Variants in NSUN3 observed in about 807,000 individuals in gnomAD.
NSUN3 encodes the protein tRNA (cytosine(34)-C(5))-methyltransferase, mitochondrial.
In NSUN3, 24 loss-of-function variants were observed where a neutral mutation model predicts 36.8. The ratio of observed to expected loss-of-function variants is 0.65; its 90% CI spans 0.47 to 0.92. The LOEUF (loss-of-function observed/expected upper bound fraction) is 0.92, where lower values mean the gene tolerates loss of function less well. Ranked by LOEUF, NSUN3 falls within the 40% of genes least tolerant of loss-of-function variation. The pLI is 0.00. For synonymous variants in NSUN3, 146 were observed against 145.2 expected, an observed-to-expected ratio of 1.01 and a Z score of -0.04; for missense variants, 381 against 392.8, an observed-to-expected ratio of 0.97 and a Z score of 0.25.
At position 94,126,558 on chromosome 3, in the gene NSUN3, T is replaced by G; in HGVS notation, c.*68T>G. On this transcript the variant is annotated 3_prime_UTR_variant, in exon 6 of 6. Coordinates refer to ENST00000314622, the MANE Select transcript of NSUN3 (RefSeq NM_022072.5). ...TTCTGAACTCAGTACATGTTAATAT[T>G]TAAATAATTATGCAGTAACTTTCTC... is the stretch of plus-strand genomic sequence containing the variant. 1.5e-6 allele frequency: 2 copies of G among 1,377,796 alleles called. No homozygotes were observed. The highest frequency in any genetic ancestry group is 2.0e-6 in the Non-Finnish European group (2 of 1,009,884). 85.3% of individuals were successfully genotyped at this position (1,377,796 alleles called of 1,614,324 possible).
intron 2 of NSUN3, chr3:94,075,987 G>A (rs185127863): frequency 6.3e-7 from 1 of 1,595,540 alleles, no homozygotes; most frequent in East Asian, 2.2e-5. Flanking sequence ...TGCCACACTT[G>A]CATGATATTG....
intron 5 of NSUN3, among the ~76,000 whole-genome samples, chr3:94,103,966 G>T (rs1431890186): frequency 6.6e-6 from 1 of 152,198 alleles, no homozygotes; most frequent in Non-Finnish European, 1.5e-5. Flanking sequence ...TCATAAACAT[G>T]TAGATAATTG....
At chr3:94,078,694 C>T (rs1237784165) in intron 2 of NSUN3, among the ~76,000 whole-genome samples, 2 of 150,876 alleles carry the variant, frequency 1.3e-5, no homozygotes, top group African/African-American at 2.4e-5. Flanking sequence ...TTATGTAGTG[C>T]CCTTGTCTAT....
At chr3:94,107,939 T>C in intron 5 of NSUN3, among the ~76,000 whole-genome samples, 1 of 151,222 alleles carries the variant, frequency 6.6e-6, no homozygotes, top group Admixed American at 6.6e-5. Context: ...TTCTCATTTT[T>C]ATAAATTACT....
At chr3:94,111,589 G>T (rs369695854) in intron 5 of NSUN3, among the ~76,000 whole-genome samples, 47 of 150,484 alleles carry the variant, frequency 3.1e-4, no homozygotes, top group African/African-American at 4.4e-4. Flanking sequence ...TTAATTTTTT[G>T]TTGTTGTTGT....
At chr3:94,071,238 C>T (rs1413917147) in intron 2 of NSUN3, among the ~76,000 whole-genome samples, 3 of 152,096 alleles carry the variant, frequency 2.0e-5, no homozygotes. Context: ...CCAGAAGTTA[C>T]CATTTTAACA....
chr3:94,085,759 A>G (rs1265398632), intron 3 of NSUN3, among the ~76,000 whole-genome samples: 1 of 152,172 alleles, frequency 6.6e-6, no homozygotes, highest in East Asian at 1.9e-4. Context: ...ATCCTGTCCC[A>G]GAGAAAATTG....
intron 2 of NSUN3, among the ~76,000 whole-genome samples, chr3:94,081,097 G>A (rs188999368): frequency 3.3e-4 from 51 of 152,318 alleles, no homozygotes; most frequent in Admixed American, 3.3e-3. Flanking sequence ...GGAAAGCGTG[G>A]TATCTGGGCT....
chr3:94,074,683 A>G (rs1441875796), intron 2 of NSUN3, among the ~76,000 whole-genome samples: 2 of 152,210 alleles, frequency 1.3e-5, no homozygotes, highest in Non-Finnish European at 2.9e-5. Context: ...GAAGTTGCTT[A>G]TTAGCTTAAG....
At position 94,063,082 on chromosome 3, in the gene NSUN3, T is replaced by C. The variant is rs764753173; in HGVS notation, c.-45T>C. 1.6e-5 allele frequency: 26 copies of C among 1,613,344 alleles called. No individual in the cohort carries two copies. Among genetic ancestry groups the C allele is most frequent in the African/African-American group, 1.3e-5 (1 of 74,910 alleles). ...TTTCAGTTCCCTGGAGGCTTTTTGA[T>C]ACTGATTCGCGTACACCTGTTGTTT... On this transcript the variant is annotated 5_prime_UTR_variant, in exon 1 of 6. Coordinates refer to ENST00000314622, the MANE Select transcript of NSUN3 (RefSeq NM_022072.5).
At position 94,109,161 on chromosome 3, in the gene NSUN3, G is replaced by A. The variant is rs533743066; in HGVS notation, c.743+14007G>A. 5.3e-5 allele frequency among the ~76,000 whole-genome samples: 8 copies of A among 152,310 alleles called. No homozygotes were observed. In the South Asian group the frequency reaches 1.7e-3, roughly 32 times the overall value. On this transcript the variant is annotated intron_variant, in intron 5 of 5. Transcript: ENST00000314622. The stretch of plus-strand genomic sequence containing the variant: ...ACTGAGCTCTGAAGTGGGTCTAGGT[G>A]AAGAGACCATTTTTATTCACTTTTT...
chr3:94,113,394 A>C (rs1232349617), intron 5 of NSUN3, among the ~76,000 whole-genome samples: 1 of 152,206 alleles, frequency 6.6e-6, no homozygotes, highest in Non-Finnish European at 1.5e-5. Context: ...TAAGAATAAT[A>C]ATTCATGCCT....
chr3:94,120,461 C>T (rs1454725979), intron 5 of NSUN3, among the ~76,000 whole-genome samples: 3 of 152,186 alleles, frequency 2.0e-5, no homozygotes, highest in Non-Finnish European at 2.9e-5. Flanking sequence ...CACCATTCTA[C>T]TTTCTGTCTC....
At chr3:94,105,887 T>TG (rs2077386808) in intron 5 of NSUN3, among the ~76,000 whole-genome samples, 1 of 151,714 alleles carries the variant, frequency 6.6e-6, no homozygotes, top group Non-Finnish European at 1.5e-5. Flanking sequence ...CTTTTCTTTT[T>TG]TTTTTTTCAT....
rs146669285 is a variant in NSUN3 at position 94,114,816 on chromosome 3, G to A, written c.744-11395G>A. On this transcript the variant is annotated intron_variant, in intron 5 of 5. Transcript: ENST00000314622. ...GTCTATTACTGCCATCTTTATGTCC[G>A]TGAGTACACAATGTTTAGCTCCCAT... 6.6e-5 allele frequency among the ~76,000 whole-genome samples: 10 copies of A among 152,088 alleles called. No individual in the cohort carries two copies. In the East Asian group the frequency reaches 9.6e-4, roughly 15 times the overall value.
At chr3:94,094,971 A>G (rs1424108493) in intron 4 of NSUN3, 62 bp from the exon 5 acceptor site, 3 of 1,569,360 alleles carry the variant, frequency 1.9e-6, no homozygotes, top group African/African-American at 2.7e-5. Flanking sequence ...TTCTCTATCT[A>G]CTTCGTGCCT....
chr3:94,129,822 C>T lies in NSUN3; in HGVS notation c.*3332C>T, dbSNP rs1393068446. Among the ~76,000 whole-genome samples, 1 of 134,360 alleles carries T rather than the reference C, an allele frequency of 7.4e-6. No homozygotes were observed. Among genetic ancestry groups the T allele is most frequent in the Non-Finnish European group, 1.5e-5 (1 of 65,434 alleles). The allele number at this position is 134,360 out of a possible 152,430, so 88.1% of individuals were successfully genotyped here. On this transcript the variant is annotated 3_prime_UTR_variant, in exon 6 of 6. Transcript: ENST00000314622. ...TGGATGGCGTGCAGTGGCATGATCT[C>T]AGCTCACTGCAACCTCTGCCTCCCG...
At chr3:94,071,512 A>C (rs937776711) in intron 2 of NSUN3, among the ~76,000 whole-genome samples, 5 of 152,250 alleles carry the variant, frequency 3.3e-5, no homozygotes, top group Non-Finnish European at 5.9e-5. Context: ...CACTGGGCAC[A>C]TACTAAAGGC....
intron 2 of NSUN3, among the ~76,000 whole-genome samples, chr3:94,079,689 C>T (rs1217877482): frequency 2.0e-5 from 3 of 151,934 alleles, no homozygotes; most frequent in Non-Finnish European, 2.9e-5. Context: ...TCTTCAGTCT[C>T]TCATATCTTT....
Sources: allele counts gnomAD v4.1 joint callset (sites outside exome capture counted in the v4.1 genomes callset), GRCh38; gene constraint gnomAD v4.1.1; transcripts MANE v1.5; gene names NCBI Gene and HGNC (gene_info 2026-07-23, HGNC 2026-07-21).